Variants in DLG2 observed in about 807,000 individuals in gnomAD.
DLG2 encodes the protein discs large MAGUK scaffold protein 2.
Under a neutral mutation model 132.5 loss-of-function variants are expected in DLG2, and 45 were observed. The ratio of observed to expected loss-of-function variants is 0.34; its 90% CI spans 0.27 to 0.44. The LOEUF (loss-of-function observed/expected upper bound fraction) is 0.44, where lower values mean the gene tolerates loss of function less well. Ranked by LOEUF, DLG2 falls within the 20% of genes least tolerant of loss-of-function variation. The pLI is 1.00. For missense variants in DLG2, 1,045 were observed against 1,196.9 expected (o/e 0.87, Z 1.87); for synonymous variants, 424 against 419.6 (o/e 1.01, Z -0.13).
chr11:84,920,925 C>T (rs2092723063), intron 6 of DLG2, among the ~76,000 whole-genome samples: 1 of 151,948 alleles, frequency 6.6e-6, no homozygotes, highest in Admixed American at 6.6e-5. Flanking sequence ...TGTTTCTATC[C>T]TTTGAATTTT....
rs988748611 is a variant in DLG2, at chr11:84,010,822, C to A, written c.920-30180G>T. 2.0e-5 allele frequency among the ~76,000 whole-genome samples: 3 copies of A among 152,132 alleles called. No individual in the cohort carries two copies. In the South Asian group the frequency reaches 6.2e-4, roughly 31 times the overall value. ...CATTAATTATGTGCTTGTGTCTTTG[C>A]ACTAGACAGTGGCTGCTGAAGTCTC... On this transcript the variant is annotated intron_variant, in intron 11 of 27. Coordinates refer to ENST00000376104, the MANE Select transcript of DLG2 (RefSeq NM_001142699.3).
chr11:84,933,078 C>T (rs147978622), intron 6 of DLG2, among the ~76,000 whole-genome samples: 1 of 152,256 alleles, frequency 6.6e-6, no homozygotes, highest in African/African-American at 2.4e-5. Flanking sequence ...GATGGTATCT[C>T]ATTGTGGGTT....
intron 20 of DLG2, among the ~76,000 whole-genome samples, chr11:83,541,480 C>A (rs539779439): frequency 6.6e-6 from 1 of 152,248 alleles, no homozygotes; most frequent in South Asian, 2.1e-4. Flanking sequence ...GTCACAGTCA[C>A]CAATTTTGGT....
chr11:84,987,376 A>G (rs1298407352), intron 6 of DLG2, among the ~76,000 whole-genome samples: 1 of 152,202 alleles, frequency 6.6e-6, no homozygotes, highest in South Asian at 2.1e-4. Flanking sequence ...CAAAATTACC[A>G]TCAAAATAAC....
chr11:83,668,728 C>CAG (rs1422267913), intron 18 of DLG2, among the ~76,000 whole-genome samples: 3 of 131,036 alleles, frequency 2.3e-5, no homozygotes, highest in Non-Finnish European at 4.7e-5. Flanking sequence ...TATATAAACA[C>CAG]ATATATATGT....
chr11:84,696,011 T>C (rs1441260519), intron 6 of DLG2, among the ~76,000 whole-genome samples: 1 of 151,558 alleles, frequency 6.6e-6, no homozygotes, highest in Non-Finnish European at 1.5e-5. Flanking sequence ...AGTAACCCAA[T>C]TTTCCTTCAA....
chr11:83,763,014 T>C (rs1043210234), intron 18 of DLG2, among the ~76,000 whole-genome samples: 3 of 152,214 alleles, frequency 2.0e-5, no homozygotes, highest in Non-Finnish European at 4.4e-5. Context: ...GTTGGCTTTT[T>C]GAGCAGCAAC....
intron 21 of DLG2, among the ~76,000 whole-genome samples, chr11:83,530,181 A>C (rs1025515747): frequency 9.2e-5 from 14 of 152,052 alleles, no homozygotes; most frequent in African/African-American, 2.9e-4. Context: ...TGGAAAAAAA[A>C]CCTACCTCTT....
At chr11:84,344,549 G>A (rs2098530659) in intron 7 of DLG2, among the ~76,000 whole-genome samples, 1 of 152,148 alleles carries the variant, frequency 6.6e-6, no homozygotes, top group Non-Finnish European at 1.5e-5. Context: ...GCTCAGTGAA[G>A]TGCAACCAGA....
chr11:83,520,844 T>G (rs2095461251), intron 21 of DLG2, among the ~76,000 whole-genome samples: 1 of 152,172 alleles, frequency 6.6e-6, no homozygotes, highest in South Asian at 2.1e-4. Context: ...GAGGTAAGTT[T>G]AACCCTCTTA....
At chr11:83,794,437 G>GTTT (rs200672667) in intron 17 of DLG2, among the ~76,000 whole-genome samples, 1 of 127,496 alleles carries the variant, frequency 7.8e-6, no homozygotes, top group African/African-American at 2.8e-5. Flanking sequence ...TTTACTATTG[G>GTTT]TTTTTTTTTT....
intron 6 of DLG2, among the ~76,000 whole-genome samples, chr11:85,049,991 C>T (rs1202959069): frequency 6.6e-6 from 1 of 151,950 alleles, no homozygotes; most frequent in African/African-American, 2.4e-5. Flanking sequence ...CTCTAGCTAT[C>T]AGAAATTGTT....
At chr11:84,812,451 G>A (rs1356775890) in intron 6 of DLG2, among the ~76,000 whole-genome samples, 1 of 152,110 alleles carries the variant, frequency 6.6e-6, no homozygotes, top group Non-Finnish European at 1.5e-5. Flanking sequence ...TAAAGCCTCA[G>A]ATTGCTTAGC....
chr11:83,836,064 T>C (rs983539440), intron 16 of DLG2, among the ~76,000 whole-genome samples: 19 of 152,168 alleles, frequency 1.2e-4, no homozygotes, highest in African/African-American at 3.6e-4. Flanking sequence ...ATATATTAAA[T>C]AGTTGTAGGC....
At chr11:84,773,110 C>G (rs182194133) in intron 6 of DLG2, among the ~76,000 whole-genome samples, 2 of 152,096 alleles carry the variant, frequency 1.3e-5, no homozygotes, top group African/African-American at 4.8e-5. Context: ...TACAACATAT[C>G]CCACAGAAAT....
intron 2 of DLG2, among the ~76,000 whole-genome samples, chr11:85,607,106 T>C (rs1020304113): frequency 6.6e-6 from 1 of 152,182 alleles, no homozygotes; most frequent in African/African-American, 2.4e-5. Context: ...TGAGTACCAT[T>C]GGACCACTTT....
chr11:84,817,686 A>C (rs929066736), intron 6 of DLG2, among the ~76,000 whole-genome samples: 1 of 152,040 alleles, frequency 6.6e-6, no homozygotes, highest in Non-Finnish European at 1.5e-5. Context: ...GTAATTTGCT[A>C]GTGAAGGTAT....
chr11:83,724,476 TGAGAGAGAGAGAGAGAGA>T (rs59782952), intron 18 of DLG2, among the ~76,000 whole-genome samples: 13 of 118,222 alleles, frequency 1.1e-4, no homozygotes, highest in Middle Eastern at 4.8e-3. Context: ...TGTGTGTGTG[TGAGAGAGAGAGAGAGAGA>T]GAGAGAGAGA....
At chr11:83,874,522 T>C (rs1201004946) in intron 15 of DLG2, 34 bp from the exon 16 acceptor site, 1 of 1,491,632 alleles carries the variant, frequency 6.7e-7, no homozygotes, top group East Asian at 2.5e-5. Flanking sequence ...ACACATCATT[T>C]ATTTATTTTT....
Sources: gnomAD v4.1 joint callset for allele counts (sites outside exome capture counted in the v4.1 genomes callset) on GRCh38, gnomAD v4.1.1 for gene constraint, MANE v1.5 for transcripts, NCBI Gene and HGNC (gene_info 2026-07-23, HGNC 2026-07-21) for gene names.